The following LANCL1 variants were observed in gnomAD, a reference collection of about 807,000 sequenced individuals.
LANCL1 encodes glutathione S-transferase LANCL1.
LANCL1 carries 50 observed loss-of-function variants against 50.6 expected under a neutral mutation model. The ratio of observed to expected loss-of-function variants is 0.99; its 90% confidence interval spans 0.79 to 1.25. LANCL1 has a LOEUF of 1.25. Ranked by LOEUF, LANCL1 falls within the 50% of genes most tolerant of loss-of-function variation. LANCL1 has a pLI of 0.00. For missense variants in LANCL1, 532 were observed against 480.7 expected (o/e 1.11, Z -1.00); for synonymous variants, 188 against 178.6 (o/e 1.05, Z -0.42).
chr2:210,435,590 G>A, intron 8 of LANCL1, 131 bp from the exon 9 acceptor site: 1 of 702,590 alleles, frequency 1.4e-6, no homozygotes, highest in African/African-American at 1.8e-5. Context: ...GGAGATTAAT[G>A]CAGAGAAAAG....
At chr2:210,455,783 G>A (rs1472404278) in intron 3 of LANCL1, among the ~76,000 whole-genome samples, 1 of 149,358 alleles carries the variant, frequency 6.7e-6, no homozygotes. Flanking sequence ...TTCTCTTTAC[G>A]TAAAAGTTTG....
At chr2:210,464,197 C>T (rs549508258) in intron 3 of LANCL1, among the ~76,000 whole-genome samples, 17 of 152,188 alleles carry the variant, frequency 1.1e-4, no homozygotes, top group African/African-American at 3.6e-4. Flanking sequence ...TCTGAACTAG[C>T]GTTAATTATC....
At chr2:210,438,448 G>C (rs1010656289) in intron 6 of LANCL1, among the ~76,000 whole-genome samples, 9 of 152,012 alleles carry the variant, frequency 5.9e-5, no homozygotes, top group African/African-American at 1.9e-4. Flanking sequence ...TGTATATATT[G>C]TTTTTCAATA....
chr2:210,468,325 C>T (rs3770690), intron 3 of LANCL1: 62,766 of 151,822 alleles, frequency 0.41, 14,173 homozygotes, highest in East Asian at 0.61. Context: ...CCCCAAAAAT[C>T]CCCCAAAAAG....
intron 3 of LANCL1, among the ~76,000 whole-genome samples, chr2:210,467,336 TCCTGCCTTC>T (rs1341161076): frequency 1.3e-5 from 2 of 152,294 alleles, no homozygotes; most frequent in Non-Finnish European, 2.9e-5. Context: ...TTCCTGCCTT[TCCTGCCTTC>T]CCTTCCACCT....
At chr2:210,456,860 C>T (rs560532882) in intron 3 of LANCL1, among the ~76,000 whole-genome samples, 1 of 152,198 alleles carries the variant, frequency 6.6e-6, no homozygotes, top group Non-Finnish European at 1.5e-5. Flanking sequence ...CTTTGTCTCT[C>T]ATTAGCAACA....
chr2:210,462,893 A>G (rs920793145), intron 3 of LANCL1, among the ~76,000 whole-genome samples: 1 of 152,226 alleles, frequency 6.6e-6, no homozygotes, highest in Non-Finnish European at 1.5e-5. Context: ...CTGACTAGTC[A>G]TTAGCCACTT....
intron 5 of LANCL1, among the ~76,000 whole-genome samples, chr2:210,441,043 G>A (rs1693113674): frequency 6.6e-6 from 1 of 152,172 alleles, no homozygotes; most frequent in Non-Finnish European, 1.5e-5. Context: ...CATCTGGGAG[G>A]TGAAATTTGG....
chr2:210,441,338 C>G lies in LANCL1; in HGVS notation c.513G>C (p.Val171=). ...GAATATGGCTTTGAGGAATCTTTTC[C>G]ACTCCAAAGTTCTTATTGACAAAAA... The part of the protein sequence containing the change: ...ALLFVNKNFG[V]EKIPQSHIQQ... Residue 171 remains valine, a synonymous_variant, in exon 5 of 10, where the codon GTG becomes GTC. Transcript: ENST00000450366. 6.2e-7 allele frequency: 1 copy of G among 1,612,368 alleles called. No homozygotes were observed. Among genetic ancestry groups the G allele is most frequent in the Non-Finnish European group, 8.5e-7 (1 of 1,179,008 alleles).
chr2:210,439,661 C>T (rs1314523786), intron 6 of LANCL1, among the ~76,000 whole-genome samples: 1 of 152,190 alleles, frequency 6.6e-6, no homozygotes, highest in Non-Finnish European at 1.5e-5. Flanking sequence ...CAATGTGTGA[C>T]TCTGCATTCA....
rs1259629638 is a variant in LANCL1, at chr2:210,435,262, T to A, written c.1123+125A>T. On this transcript the variant is annotated intron_variant, in intron 9 of 9. Transcript: ENST00000450366. ...GATTTTTAATATCGATTTAGCATATTAGGAAATAAAAAAGTAGTTTAAGAA... is the reference window on the plus strand; with the variant it reads ...GATTTTTAATATCGATTTAGCATATAAGGAAATAAAAAAGTAGTTTAAGAA... The A allele has an allele frequency of 1.2e-5, 8 of 686,712 alleles. No homozygotes were observed. In the East Asian group the frequency reaches 2.2e-4, roughly 19 times the overall value. 42.5% of individuals were successfully genotyped at this position (686,712 alleles called of 1,614,324 possible).
intron 3 of LANCL1, among the ~76,000 whole-genome samples, chr2:210,466,225 T>C (rs1205448402): frequency 3.3e-5 from 5 of 152,116 alleles, no homozygotes; most frequent in African/African-American, 9.7e-5. Flanking sequence ...ACTGAAGACA[T>C]CAAAGTGGTC....
At chr2:210,465,056 T>C (rs979104129) in intron 3 of LANCL1, among the ~76,000 whole-genome samples, 4 of 151,790 alleles carry the variant, frequency 2.6e-5, no homozygotes, top group African/African-American at 9.7e-5. Flanking sequence ...AATGTAAAGA[T>C]GAAAAATAAC....
rs1692837330 is a variant in LANCL1 at position 210,434,100 on chromosome 2, A to C, written c.*387T>G. 1.3e-5 allele frequency: 2 copies of C among 155,022 alleles called. No homozygotes were observed. Among genetic ancestry groups the C allele is most frequent in the Non-Finnish European group, 2.9e-5 (2 of 69,974 alleles). The allele number at this position is 155,022 out of a possible 1,614,324, so 9.6% of individuals were successfully genotyped here. A position where few individuals can be genotyped will look rare whatever the true frequency, so the allele number is the denominator to read the frequency against. Reference sequence around the variant, plus strand: ...TAAAGAGAAGTGAAGTGTAATACCCAATAATAGTCACATATTTATCTTTAT... The same window carrying C: ...TAAAGAGAAGTGAAGTGTAATACCCCATAATAGTCACATATTTATCTTTAT... On this transcript the variant is annotated 3_prime_UTR_variant, in exon 10 of 10. Coordinates refer to ENST00000450366, the MANE Select transcript of LANCL1 (RefSeq NM_006055.3).
At chr2:210,463,722 C>G (rs1693949639) in intron 3 of LANCL1, among the ~76,000 whole-genome samples, 1 of 152,204 alleles carries the variant, frequency 6.6e-6, no homozygotes, top group South Asian at 2.1e-4. Context: ...CCTGAATGAG[C>G]ATGAGAGAGA....
intron 4 of LANCL1, among the ~76,000 whole-genome samples, chr2:210,443,139 C>T (rs972181178): frequency 6.6e-6 from 1 of 152,110 alleles, no homozygotes; most frequent in African/African-American, 2.4e-5. Flanking sequence ...TCATCAGAGA[C>T]CAAAAGGGGA....
chr2:210,467,347 C>T (rs1450556037), intron 3 of LANCL1, among the ~76,000 whole-genome samples: 1 of 152,162 alleles, frequency 6.6e-6, no homozygotes, highest in East Asian at 1.9e-4. Flanking sequence ...CCTGCCTTCC[C>T]TTCCACCTCC....
rs1315585493 is a variant in LANCL1 at position 210,434,379 on chromosome 2, G to A, written c.*108C>T. 8 of 741,226 alleles carry A rather than the reference G, an allele frequency of 1.1e-5. No homozygotes were observed. Among genetic ancestry groups the A allele is most frequent in the Non-Finnish European group, 1.6e-5 (7 of 447,066 alleles). The allele number at this position is 741,226 out of a possible 1,614,324, so 45.9% of individuals were successfully genotyped here. A position where few individuals can be genotyped will look rare whatever the true frequency, so the allele number is the denominator to read the frequency against. On this transcript the variant is annotated 3_prime_UTR_variant, in exon 10 of 10. Coordinates refer to ENST00000450366, the MANE Select transcript of LANCL1 (RefSeq NM_006055.3). The stretch of plus-strand genomic sequence containing the variant: ...TTCTGAAAAAAGCTAACAAAATCAA[G>A]TCCACAGTTTGACTCTTTGTTTCCT...
At chr2:210,463,582 G>A (rs1400674053) in intron 3 of LANCL1, among the ~76,000 whole-genome samples, 3 of 152,148 alleles carry the variant, frequency 2.0e-5, no homozygotes, top group Non-Finnish European at 4.4e-5. Flanking sequence ...ACTGCATACT[G>A]ATGATCTTTA....
Sources: gnomAD v4.1 joint callset for allele counts (sites outside exome capture counted in the v4.1 genomes callset) on GRCh38, gnomAD v4.1.1 for gene constraint, MANE v1.5 for transcripts, NCBI Gene and HGNC (gene_info 2026-07-23, HGNC 2026-07-21) for gene names.